Variants in RSPO2 observed in about 807,000 individuals in gnomAD.
RSPO2 encodes the protein R-spondin-2.
Under a neutral mutation model 30.9 loss-of-function variants are expected in RSPO2, and 14 were observed. The ratio of observed to expected loss-of-function variants is 0.45; its 90% CI spans 0.30 to 0.71. The LOEUF (loss-of-function observed/expected upper bound fraction) is 0.71, where lower values mean the gene tolerates loss of function less well. Among genes scored for constraint, RSPO2 ranks in the 30% least tolerant of loss-of-function variants. The pLI, the probability that RSPO2 is intolerant of heterozygous loss-of-function variation, is 0.08. For missense variants in RSPO2, 264 were observed against 301.9 expected (o/e 0.87, Z 0.93); for synonymous variants, 107 against 96.4 (o/e 1.11, Z -0.64).
chr8:108,076,616 T>TA (rs902625588), intron 2 of RSPO2, among the ~76,000 whole-genome samples: 2 of 151,696 alleles, frequency 1.3e-5, no homozygotes, highest in Non-Finnish European at 2.9e-5. Flanking sequence ...ACTCCATGGA[T>TA]AAAAAAAGAA....
At chr8:108,053,317 G>C (rs747592728) in intron 2 of RSPO2, among the ~76,000 whole-genome samples, 1 of 152,042 alleles carries the variant, frequency 6.6e-6, no homozygotes, top group Admixed American at 6.6e-5. Context: ...GAATCTCAAG[G>C]CTTCCAAGAA....
intron 3 of RSPO2, among the ~76,000 whole-genome samples, chr8:107,974,323 CAA>C (rs747026899): frequency 1.6e-4 from 13 of 83,516 alleles, no homozygotes; most frequent in Admixed American, 4.3e-4. Context: ...TTCATCTCTA[CAA>C]AAAAAAAAAA....
chr8:108,072,628 G>A (rs1287599213), intron 2 of RSPO2, among the ~76,000 whole-genome samples: 5 of 151,050 alleles, frequency 3.3e-5, no homozygotes, highest in Non-Finnish European at 5.9e-5. Flanking sequence ...ATAAGCCACC[G>A]CGCCCGGCCG....
intron 5 of RSPO2, among the ~76,000 whole-genome samples, chr8:107,936,115 T>TCCA (rs1421848899): frequency 1.4e-4 from 21 of 152,248 alleles, no homozygotes; most frequent in African/African-American, 4.8e-4. Flanking sequence ...CACACATCCT[T>TCCA]CCAATCCTCT....
intron 2 of RSPO2, among the ~76,000 whole-genome samples, chr8:108,054,900 G>A (rs955234410): frequency 2.0e-5 from 3 of 152,114 alleles, no homozygotes; most frequent in Non-Finnish European, 4.4e-5. Flanking sequence ...GATCGCTTGA[G>A]CTCAGGAGTT....
In RSPO2 at chr8:108,044,273, C is replaced by T. The variant is rs542910905; in HGVS notation, c.94+38272G>A. Among the ~76,000 whole-genome samples, 5 of 152,010 alleles carry T rather than the reference C, an allele frequency of 3.3e-5. No homozygotes were observed. The East Asian group carries it at 7.7e-4, about 23-fold the overall frequency. Reference sequence around the variant, plus strand: ...TTATTTTATGTTCAGGGGATACACACGCAGGTTTGTTATATGCATATATTG... The same window carrying T: ...TTATTTTATGTTCAGGGGATACACATGCAGGTTTGTTATATGCATATATTG... On this transcript the variant is annotated intron_variant, in intron 2 of 5. Transcript: ENST00000276659.
intron 3 of RSPO2, among the ~76,000 whole-genome samples, chr8:107,980,392 TG>T (rs1317859102): frequency 1.3e-5 from 2 of 152,210 alleles, no homozygotes; most frequent in Non-Finnish European, 2.9e-5. Context: ...GGGAAAACCA[TG>T]CAAGTGGCTG....
At chr8:107,933,853 G>C (rs1812629521) in intron 5 of RSPO2, among the ~76,000 whole-genome samples, 1 of 152,152 alleles carries the variant, frequency 6.6e-6, no homozygotes, top group South Asian at 2.1e-4. Context: ...GTCCAGCTCT[G>C]AAAAATTCAA....
At chr8:108,079,877 C>A (rs546248206) in intron 2 of RSPO2, among the ~76,000 whole-genome samples, 1 of 152,228 alleles carries the variant, frequency 6.6e-6, no homozygotes, top group East Asian at 1.9e-4. Flanking sequence ...CTATCCAAAA[C>A]AAAGGGGAAA....
intron 2 of RSPO2, among the ~76,000 whole-genome samples, chr8:108,056,213 G>C (rs1812236496): frequency 1.3e-5 from 2 of 152,140 alleles, no homozygotes; most frequent in African/African-American, 4.8e-5. Context: ...AGATCCTGCA[G>C]CAGAGAAGTT....
chr8:108,019,583 TC>T (rs1474142057), intron 2 of RSPO2, among the ~76,000 whole-genome samples: 1 of 152,170 alleles, frequency 6.6e-6, no homozygotes, highest in East Asian at 1.9e-4. Context: ...TTTTAAACTT[TC>T]CTTTAATGGT....
intron 2 of RSPO2, among the ~76,000 whole-genome samples, chr8:108,077,613 C>G (rs939239694): frequency 6.7e-6 from 1 of 149,404 alleles, no homozygotes; most frequent in Admixed American, 6.7e-5. Flanking sequence ...ATACTATACT[C>G]ATCGCTTTCC....
In RSPO2 at chr8:107,908,990, G is replaced by T. The variant is rs558297888; in HGVS notation, c.617-7800C>A. 2.0e-5 allele frequency among the ~76,000 whole-genome samples: 3 copies of T among 152,234 alleles called. No homozygotes were observed. In the South Asian group the frequency reaches 6.2e-4, roughly 32 times the overall value. On this transcript the variant is annotated intron_variant, in intron 5 of 5. Transcript: ENST00000276659. The stretch of plus-strand genomic sequence containing the variant: ...AAAGTCACATAGATTTGACATCAAG[G>T]GTGAAAGCTGTTTGGTGGTGATTCC...
intron 5 of RSPO2, among the ~76,000 whole-genome samples, chr8:107,918,514 GT>G (rs1812050396): frequency 6.6e-6 from 1 of 152,198 alleles, no homozygotes; most frequent in Admixed American, 6.5e-5. Flanking sequence ...CCTGTACAAG[GT>G]TCCTGACCTG....
Position 107,967,031 on chromosome 8 carries a change from C to A in RSPO2, c.284-6214G>T, listed in dbSNP as rs147190874. Among the ~76,000 whole-genome samples the A allele has an allele frequency of 3.2e-3, 488 of 152,256 alleles. 3 individuals carry two copies. Among genetic ancestry groups the A allele is most frequent in the African/African-American group, 0.011 (469 of 41,564 alleles). On this transcript the variant is annotated intron_variant, in intron 3 of 5. Coordinates refer to ENST00000276659, the MANE Select transcript of RSPO2 (RefSeq NM_178565.5). Reference sequence around the variant, plus strand: ...AACTGCTCTTATTTTAAACTAGCATCTCTGTTCAGAATGTGGCAGTCAATG... The same window carrying A: ...AACTGCTCTTATTTTAAACTAGCATATCTGTTCAGAATGTGGCAGTCAATG...
chr8:107,970,454 A>G (rs1385451575), intron 3 of RSPO2, among the ~76,000 whole-genome samples: 1 of 152,190 alleles, frequency 6.6e-6, no homozygotes, highest in East Asian at 1.9e-4. Context: ...CTTGATAGAA[A>G]AAAGGAAAAG....
At chr8:108,044,153 GA>G (rs11382572) in intron 2 of RSPO2, among the ~76,000 whole-genome samples, 62 of 142,202 alleles carry the variant, frequency 4.4e-4, no homozygotes, top group Admixed American at 4.3e-4. Flanking sequence ...TCTGTTGTCT[GA>G]AAAAAAAAAA....
intron 2 of RSPO2, among the ~76,000 whole-genome samples, chr8:108,017,785 G>T (rs996128204): frequency 6.6e-6 from 1 of 152,080 alleles, no homozygotes; most frequent in Non-Finnish European, 1.5e-5. Context: ...TCAATCTAGG[G>T]AAAATTTCAA....
intron 5 of RSPO2, among the ~76,000 whole-genome samples, chr8:107,913,280 C>T (rs1224466246): frequency 1.3e-5 from 2 of 152,126 alleles, no homozygotes; most frequent in Non-Finnish European, 2.9e-5. Context: ...GCCAATGTTA[C>T]TCTCTTCCCT....
Sources: gnomAD v4.1 joint callset for allele counts (sites outside exome capture counted in the v4.1 genomes callset) on GRCh38, gnomAD v4.1.1 for gene constraint, MANE v1.5 for transcripts, NCBI Gene and HGNC (gene_info 2026-07-23, HGNC 2026-07-21) for gene names.